GNAZ: variants seen among roughly 807,000 people sequenced by gnomAD.
GNAZ encodes G protein subunit alpha z, also known as guanine nucleotide-binding protein G(z) subunit alpha.
A neutral mutation model predicts 25.4 loss-of-function variants in GNAZ; 3 were observed. That is an observed-to-expected ratio of 0.12 (90% CI 0.05 to 0.30). GNAZ has a LOEUF of 0.30. Ranked by LOEUF, GNAZ falls within the 10% of genes least tolerant of loss-of-function variation. The pLI, the probability that GNAZ is intolerant of heterozygous loss-of-function variation, is 1.00. For synonymous variants in GNAZ, 211 were observed against 205.7 expected (o/e 1.03, Z -0.22); for missense variants, 241 against 501.8 (o/e 0.48, Z 4.97).
chr22:23,098,263 G>C (rs1242471371), intron 2 of GNAZ, among the ~76,000 whole-genome samples: 2 of 152,178 alleles, frequency 1.3e-5, no homozygotes, highest in South Asian at 4.1e-4. Flanking sequence ...CCTGCCTCTC[G>C]TACCCCTGCC....
intron 1 of GNAZ, among the ~76,000 whole-genome samples, chr22:23,086,469 G>A (rs571233771): frequency 3.9e-5 from 6 of 152,332 alleles, no homozygotes; most frequent in African/African-American, 1.4e-4. Context: ...CTCCAGCCAC[G>A]GGCCTCTGGA....
At chr22:23,103,902 C>T (rs2069379229) in intron 2 of GNAZ, among the ~76,000 whole-genome samples, 1 of 152,208 alleles carries the variant, frequency 6.6e-6, no homozygotes, top group Non-Finnish European at 1.5e-5. Context: ...ATGCTGGCCG[C>T]ATGCTCTCTG....
intron 2 of GNAZ, among the ~76,000 whole-genome samples, chr22:23,111,317 G>A (rs1459122946): frequency 6.6e-6 from 1 of 152,224 alleles, no homozygotes; most frequent in Non-Finnish European, 1.5e-5. Flanking sequence ...CCGAGCAGGG[G>A]GTGCGGCCAC....
chr22:23,085,046 A>G (rs2068781518), intron 1 of GNAZ, among the ~76,000 whole-genome samples: 1 of 152,054 alleles, frequency 6.6e-6, no homozygotes, highest in Non-Finnish European at 1.5e-5. Context: ...CCTCATCTGG[A>G]GCCCCTGAGT....
intron 2 of GNAZ, among the ~76,000 whole-genome samples, chr22:23,099,788 C>A (rs987574857): frequency 6.6e-6 from 1 of 152,236 alleles, no homozygotes; most frequent in Non-Finnish European, 1.5e-5. Context: ...AGTGGAGAAG[C>A]TGGCACCTAC....
rs576159742 is a variant in GNAZ at position 23,071,414 on chromosome 22, T to C, written c.-450+844T>C. On this transcript the variant is annotated intron_variant, in intron 1 of 2. Transcript: ENST00000615612. The surrounding 1 kb of genome is among the most constrained non-coding windows in gnomAD (Gnocchi z 4.1). ...AGACCAGCGTTCCGCGTAGTCCGTGTTGGGGTGGAGGGACCCGCCTGGTAG... is the reference window on the plus strand; with the variant it reads ...AGACCAGCGTTCCGCGTAGTCCGTGCTGGGGTGGAGGGACCCGCCTGGTAG... 6.6e-6 allele frequency among the ~76,000 whole-genome samples: 1 copy of C among 152,308 alleles called. No homozygotes were observed. Among genetic ancestry groups the C allele is most frequent in the Non-Finnish European group, 1.5e-5 (1 of 68,018 alleles).
intron 2 of GNAZ, among the ~76,000 whole-genome samples, chr22:23,114,669 C>T (rs2069768458): frequency 6.6e-6 from 1 of 152,260 alleles, no homozygotes; most frequent in African/African-American, 2.4e-5. Flanking sequence ...TCAGCCCCCT[C>T]ACGAGGGAAG....
At chr22:23,079,379 A>G (rs1010476464) in intron 1 of GNAZ, among the ~76,000 whole-genome samples, 1 of 152,184 alleles carries the variant, frequency 6.6e-6, no homozygotes, top group Admixed American at 6.5e-5. Context: ...TCCAGGAGGA[A>G]GGAACAGCCA....
intron 1 of GNAZ, among the ~76,000 whole-genome samples, chr22:23,078,430 T>G (rs898928726): frequency 1.3e-5 from 2 of 152,182 alleles, no homozygotes; most frequent in African/African-American, 4.8e-5. Context: ...GGGGCTGCCC[T>G]TGTCCCCCCA....
intron 2 of GNAZ, among the ~76,000 whole-genome samples, chr22:23,122,857 G>A (rs1229720962): frequency 6.6e-6 from 1 of 152,234 alleles, no homozygotes; most frequent in Non-Finnish European, 1.5e-5. Flanking sequence ...AAAGGGGCAA[G>A]AGAACATCTT....
At chr22:23,097,958 G>A (rs890042341) in intron 2 of GNAZ, among the ~76,000 whole-genome samples, 2 of 152,266 alleles carry the variant, frequency 1.3e-5, no homozygotes, top group African/African-American at 4.8e-5. Flanking sequence ...CGTGCCCACA[G>A]GTGTGCTGGA....
At position 23,095,761 on chromosome 22, in the gene GNAZ, C is replaced by T. The variant is rs751619127; in HGVS notation, c.66C>T (p.His22=). Residue 22 remains histidine, a synonymous_variant, in exon 2 of 3, where the codon CAC becomes CAT. Coordinates refer to ENST00000615612, the MANE Select transcript of GNAZ (RefSeq NM_002073.4). The stretch of plus-strand genomic sequence containing the variant: ...GGCGGTCCCGGAGAATTGACCGCCA[C>T]CTGCGCTCAGAGAGCCAGCGGCAAC... ...AARRSRRIDR[H]LRSESQRQRR... is the part of the protein sequence containing the mutation. The T allele has an allele frequency of 1.2e-6, 2 of 1,612,914 alleles. No individual in the cohort carries two copies. Among genetic ancestry groups the T allele is most frequent in the East Asian group, 4.5e-5 (2 of 44,882 alleles).
intron 1 of GNAZ, among the ~76,000 whole-genome samples, chr22:23,082,303 G>A (rs374715481): frequency 4.6e-5 from 7 of 150,824 alleles, no homozygotes; most frequent in Admixed American, 2.6e-4. Flanking sequence ...TGCAACCTCC[G>A]CCTCCCAGGT....
chr22:23,088,725 T>C (rs1003527190), intron 1 of GNAZ, among the ~76,000 whole-genome samples: 4 of 152,176 alleles, frequency 2.6e-5, no homozygotes, highest in Non-Finnish European at 5.9e-5. Context: ...GGTCCCCACA[T>C]TGAGGCTAGA....
intron 1 of GNAZ, among the ~76,000 whole-genome samples, chr22:23,092,211 G>A (rs2068999741): frequency 6.6e-6 from 1 of 152,172 alleles, no homozygotes; most frequent in African/African-American, 2.4e-5. Context: ...TAAAGCCCGG[G>A]TTAGACTCAG....
chr22:23,119,891 T>C (rs1439171211), intron 2 of GNAZ, among the ~76,000 whole-genome samples: 1 of 152,238 alleles, frequency 6.6e-6, no homozygotes, highest in Non-Finnish European at 1.5e-5. Flanking sequence ...ATCTCCTCGG[T>C]GCCCACTAAA....
chr22:23,070,600 C>G (rs1475896989), intron 1 of GNAZ, 30 bp downstream of exon 1: 1 of 151,768 alleles, frequency 6.6e-6, no homozygotes, highest in Non-Finnish European at 1.5e-5. Context: ...GCCGGCCGCG[C>G]GCCGCTGAGC....
intron 1 of GNAZ, among the ~76,000 whole-genome samples, chr22:23,083,248 G>A (rs2068729005): frequency 1.3e-5 from 2 of 152,180 alleles, no homozygotes; most frequent in East Asian, 3.9e-4. Context: ...GGTATTGGGG[G>A]TAGTAGGGGA....
intron 1 of GNAZ, among the ~76,000 whole-genome samples, chr22:23,072,403 C>T (rs887312665): frequency 3.3e-5 from 5 of 152,210 alleles, no homozygotes; most frequent in Non-Finnish European, 5.9e-5. Flanking sequence ...GTTTAAAAGT[C>T]TTCCTGTGTG....
Sources: gnomAD v4.1 joint callset for allele counts (sites outside exome capture counted in the v4.1 genomes callset) on GRCh38, gnomAD v4.1.1 for gene constraint, Gnocchi (gnomAD v3.1) non-coding constraint, MANE v1.5 for transcripts, NCBI Gene and HGNC (gene_info 2026-07-23, HGNC 2026-07-21) for gene names.